TENT4B: variants seen among roughly 807,000 people sequenced by gnomAD.
TENT4B encodes the protein PAP associated domain containing 5.
Under a neutral mutation model 75.0 loss-of-function variants are expected in TENT4B, and 10 were observed. That is an observed-to-expected ratio of 0.13 (90% CI 0.08 to 0.23). The LOEUF (loss-of-function observed/expected upper bound fraction) is 0.23. Ranked by LOEUF, TENT4B falls within the 10% of genes least tolerant of loss-of-function variation. The pLI is 1.00. For synonymous variants in TENT4B, 350 were observed against 357.7 expected (o/e 0.98, Z 0.24); for missense variants, 579 against 893.8 (o/e 0.65, Z 4.49).
At position 50,235,041 on chromosome 16, in the gene TENT4B, A is replaced by G. The variant is rs1364664238; in HGVS notation, c.*5713A>G. ...CTGCAGAGACACTAAGGAATTTACC[A>G]GAAAAAGATATTTGATACAAGTGAT... On this transcript the variant is annotated 3_prime_UTR_variant, in exon 12 of 12. Transcript: ENST00000561678. 1.0e-5 allele frequency: 10 copies of G among 985,612 alleles called. No individual in the cohort carries two copies. The highest frequency in any genetic ancestry group is 7.0e-5 in the African/African-American group (4 of 57,240). 61.1% of individuals were successfully genotyped at this position (985,612 alleles called of 1,614,324 possible).
rs189036591 is a variant in TENT4B, at chr16:50,175,180, A to G, written c.638+20921A>G. 1.9e-3 allele frequency among the ~76,000 whole-genome samples: 284 copies of G among 152,150 alleles called. 2 individuals carry two copies. The highest frequency in any genetic ancestry group is 3.0e-3 in the Admixed American group (46 of 15,274). On this transcript the variant is annotated intron_variant, in intron 1 of 11. Coordinates refer to ENST00000561678, the MANE Select transcript of TENT4B (RefSeq NM_001365324.3). ...GGTCTGGCTTCTTTGTATATTTTGG[A>G]TAATAAGTCTTTTATTAGATACGTG...
At chr16:50,222,237 A>C in intron 5 of TENT4B, 69 bp from the exon 6 acceptor site, 1 of 1,399,442 alleles carries the variant, frequency 7.1e-7, no homozygotes, top group Non-Finnish European at 9.7e-7. Flanking sequence ...GGACCAATTT[A>C]TGCCCCTCTT....
rs1275491116 is a variant in TENT4B, at chr16:50,232,572, C to G, written c.*3244C>G. The G allele has an allele frequency of 3.0e-6, 3 of 985,146 alleles. No homozygotes were observed. The highest frequency in any genetic ancestry group is 2.3e-4 in the East Asian group (2 of 8,800). 61.0% of individuals were successfully genotyped at this position (985,146 alleles called of 1,614,324 possible). ...AAGTGTGACTTGTGTTTGCCTGAAC[C>G]TGTGGACTAGTGTTTGGGGTTTCTG... On this transcript the variant is annotated 3_prime_UTR_variant, in exon 12 of 12. Transcript: ENST00000561678.
intron 1 of TENT4B, among the ~76,000 whole-genome samples, chr16:50,191,979 A>G (rs941304507): frequency 2.0e-5 from 3 of 151,976 alleles, no homozygotes; most frequent in African/African-American, 7.3e-5. Context: ...ATGGTGTCTC[A>G]CGCTTGTAAT....
chr16:50,153,507 AGCGGCAGCAGCG>A lies in TENT4B; in HGVS notation c.-112_-101del, dbSNP rs2037816697. The A allele has an allele frequency of 2.8e-6, 1 of 353,930 alleles. No individual in the cohort carries two copies. Among genetic ancestry groups the A allele is most frequent in the Non-Finnish European group, 3.9e-6 (1 of 254,792 alleles). The allele number at this position is 353,930 out of a possible 1,614,324, so 21.9% of individuals were successfully genotyped here. ...GGCCCCGAGCAGCAGCAGCAGCAGC[AGCGGCAGCAGCG>A]GCAGCAGCAGCAGCAGCCGAGGCCG... On this transcript the variant is annotated 5_prime_UTR_variant, in exon 1 of 12. Transcript: ENST00000561678.
intron 1 of TENT4B, among the ~76,000 whole-genome samples, chr16:50,187,626 G>A (rs2038557814): frequency 6.6e-6 from 1 of 152,092 alleles, no homozygotes; most frequent in Admixed American, 6.6e-5. Context: ...TTTGCCTGTG[G>A]ATATCCAGTT....
At chr16:50,205,209 C>T (rs1259896084) in intron 1 of TENT4B, among the ~76,000 whole-genome samples, 3 of 152,032 alleles carry the variant, frequency 2.0e-5, no homozygotes, top group East Asian at 3.9e-4. Flanking sequence ...CTGTGTGGGG[C>T]GGGCAGAGGG....
chr16:50,201,720 G>A (rs1268391938), intron 1 of TENT4B, among the ~76,000 whole-genome samples: 1 of 151,702 alleles, frequency 6.6e-6, no homozygotes, highest in African/African-American at 2.4e-5. Flanking sequence ...GTGCGCACCT[G>A]TAATTTCAGC....
chr16:50,214,153 C>A, intron 2 of TENT4B, 68 bp from the exon 3 acceptor site: 1 of 1,232,446 alleles, frequency 8.1e-7, no homozygotes, highest in Non-Finnish European at 1.2e-6. Flanking sequence ...TTCTCCATAT[C>A]TTGGTGACTC....
intron 1 of TENT4B, among the ~76,000 whole-genome samples, chr16:50,169,860 G>T (rs1477468563): frequency 3.9e-5 from 6 of 152,082 alleles, no homozygotes; most frequent in Non-Finnish European, 7.4e-5. Context: ...TGTCAAGGAA[G>T]ACCTTTGTCA....
intron 1 of TENT4B, among the ~76,000 whole-genome samples, chr16:50,191,156 A>C (rs1415172576): frequency 6.6e-6 from 1 of 150,634 alleles, no homozygotes; most frequent in Non-Finnish European, 1.5e-5. Flanking sequence ...GCTGTCTTGA[A>C]TCATGTTGCT....
rs1435298293 is a variant in TENT4B, at chr16:50,233,876, A to G, written c.*4548A>G. On this transcript the variant is annotated 3_prime_UTR_variant, in exon 12 of 12. Transcript: ENST00000561678. ...GGATTTACTGAGAGATATTTTAGCT[A>G]TGTCAATAAGAACAGCTAATGATGT... 4 of 985,334 alleles carry G rather than the reference A, an allele frequency of 4.1e-6. No homozygotes were observed. In the Admixed American group the frequency reaches 1.8e-4, roughly 45 times the overall value. The allele number at this position is 985,334 out of a possible 1,614,324, so 61.0% of individuals were successfully genotyped here.
chr16:50,176,089 ATTC>A (rs2038302524), intron 1 of TENT4B, among the ~76,000 whole-genome samples: 1 of 147,508 alleles, frequency 6.8e-6, no homozygotes, highest in African/African-American at 2.5e-5. Flanking sequence ...AGCCAATATA[ATTC>A]TTTTTTTTTT....
chr16:50,207,516 C>G (rs1282537312), intron 1 of TENT4B, among the ~76,000 whole-genome samples: 2 of 152,084 alleles, frequency 1.3e-5, no homozygotes, highest in African/African-American at 4.8e-5. Context: ...CATTGATATC[C>G]TAGAGAGGGC....
intron 1 of TENT4B, among the ~76,000 whole-genome samples, chr16:50,166,837 C>T (rs1238527304): frequency 6.6e-6 from 1 of 150,508 alleles, no homozygotes; most frequent in Non-Finnish European, 1.5e-5. Flanking sequence ...ACCTTATTGC[C>T]CAGGCTGGTC....
At chr16:50,187,215 C>A (rs940019676) in intron 1 of TENT4B, among the ~76,000 whole-genome samples, 3 of 152,212 alleles carry the variant, frequency 2.0e-5, no homozygotes, top group African/African-American at 7.2e-5. Context: ...TTTCTTTCTG[C>A]AGTTTTATGA....
intron 1 of TENT4B, among the ~76,000 whole-genome samples, chr16:50,164,140 A>C (rs901952376): frequency 1.3e-5 from 2 of 152,056 alleles, no homozygotes; most frequent in Non-Finnish European, 2.9e-5. Flanking sequence ...CTGGGCAGCA[A>C]GAGTGAAACT....
At chr16:50,214,591 G>T (rs999420102) in intron 3 of TENT4B, among the ~76,000 whole-genome samples, 1 of 152,174 alleles carries the variant, frequency 6.6e-6, no homozygotes, top group African/African-American at 2.4e-5. Flanking sequence ...GGGAGGTGAA[G>T]GTTGCAGTGA....
intron 10 of TENT4B, among the ~76,000 whole-genome samples, chr16:50,226,312 ATAGT>A (rs1596756938): frequency 6.6e-6 from 1 of 151,100 alleles, no homozygotes; most frequent in Non-Finnish European, 1.5e-5. Context: ...TTTTAACACC[ATAGT>A]TAGTTTTGCC....
Sources: allele counts gnomAD v4.1 joint callset (sites outside exome capture counted in the v4.1 genomes callset), GRCh38; gene constraint gnomAD v4.1.1; transcripts MANE v1.5; gene names NCBI Gene and HGNC (gene_info 2026-07-23, HGNC 2026-07-21).